Variants in CEP72 observed in about 807,000 individuals in gnomAD.
CEP72 encodes the protein centrosomal protein of 72 kDa.
In CEP72, 78 loss-of-function variants were observed where a neutral mutation model predicts 65.7. That is an observed-to-expected ratio of 1.19 (90% CI 0.99 to 1.43). CEP72 has a LOEUF of 1.43. Ranked by LOEUF, CEP72 falls within the 40% of genes most tolerant of loss-of-function variation. The pLI is 0.00. For synonymous variants in CEP72, 358 were observed against 351.7 expected, an observed-to-expected ratio of 1.02 and a Z score of -0.20; for missense variants, 914 against 832.9, an observed-to-expected ratio of 1.10 and a Z score of -1.20.
In CEP72 at chr5:640,619, G is replaced by T; in HGVS notation, c.1539+15G>T. ...ACAAGGAGCTGGTGAGCCCGCCCTG[G>T]CGCTGTGTCTGTGTCCATGTGACTG... On this transcript the variant is annotated intron_variant, in intron 9 of 11. Transcript: ENST00000264935. The T allele has an allele frequency of 6.2e-7, 1 of 1,602,496 alleles. No individual in the cohort carries two copies. Among genetic ancestry groups the T allele is most frequent in the Non-Finnish European group, 8.5e-7 (1 of 1,175,978 alleles).
In CEP72 at chr5:624,144, T is replaced by A. The variant is rs1043582401; in HGVS notation, c.404-327T>A. ...CAGGCTCCCTCCGTGGAGGCTTCTC[T>A]GGGTTACCTGAGTGTGACTTGAGAA... On this transcript the variant is annotated intron_variant, in intron 3 of 11. Coordinates refer to ENST00000264935, the MANE Select transcript of CEP72 (RefSeq NM_018140.4). The surrounding 1 kb of genome is among the most constrained non-coding windows in gnomAD (Gnocchi z 4.7). 1.3e-5 allele frequency among the ~76,000 whole-genome samples: 2 copies of A among 152,204 alleles called. No individual in the cohort carries two copies. Among genetic ancestry groups the A allele is most frequent in the African/African-American group, 4.8e-5 (2 of 41,450 alleles).
rs981259509 is a variant in CEP72, at chr5:645,519, C to T, written c.1666+1094C>T. Among the ~76,000 whole-genome samples, 7 of 151,876 alleles carry T rather than the reference C, an allele frequency of 4.6e-5. No homozygotes were observed. Among genetic ancestry groups the T allele is most frequent in the East Asian group, 3.9e-4 (2 of 5,182 alleles). ...GAACTGTGTGTGTGGTTTGCTCTCCCGGCTCTGTGGGCTTTCTCTGGGTGC... is the reference window on the plus strand; with the variant it reads ...GAACTGTGTGTGTGGTTTGCTCTCCTGGCTCTGTGGGCTTTCTCTGGGTGC... On this transcript the variant is annotated intron_variant, in intron 10 of 11. Transcript: ENST00000264935. This position sits in a 1 kb window ranked among gnomAD's most constrained non-coding sequence, Gnocchi z 4.0.
In CEP72 at chr5:612,461, C is replaced by A. The variant is rs749936819; in HGVS notation, c.82+18C>A. 1 of 797,946 alleles carries A rather than the reference C, an allele frequency of 1.3e-6. No homozygotes were observed. Among genetic ancestry groups the A allele is most frequent in the South Asian group, 1.9e-5 (1 of 52,162 alleles). The allele number at this position is 797,946 out of a possible 1,614,324, so 49.4% of individuals were successfully genotyped here. On this transcript the variant is annotated intron_variant, in intron 1 of 11. Transcript: ENST00000264935. ...CGACCTGGGTGCGCCGGAGGGCGGG[C>A]GGGGGTGCAAGCGTGAGGTGGCGGG... is the stretch of plus-strand genomic sequence containing the variant.
In CEP72 at chr5:647,649, C is replaced by T. The variant is rs147802967; in HGVS notation, c.1667-156C>T. ...AGGGAGGGGCCGTGGCATTCATGCT[C>T]GCCCTGTCTTTGAGTCTCATTAATA... On this transcript the variant is annotated intron_variant, in intron 10 of 11. Transcript: ENST00000264935. Among the ~76,000 whole-genome samples, 274 of 152,336 alleles carry T rather than the reference C, an allele frequency of 1.8e-3. 2 individuals are homozygous for T. Among genetic ancestry groups the T allele is most frequent in the African/African-American group, 6.1e-3 (255 of 41,576 alleles).
At chr5:629,437 G>A (rs1223230302) in intron 4 of CEP72, among the ~76,000 whole-genome samples, 1 of 148,404 alleles carries the variant, frequency 6.7e-6, no homozygotes, top group African/African-American at 2.5e-5. Context: ...GTCCTGGTGG[G>A]ATTCTGTCCA....
chr5:637,414 G>A, intron 6 of CEP72, 103 bp from the exon 7 acceptor site: 3 of 947,850 alleles, frequency 3.2e-6, no homozygotes, highest in Admixed American at 2.1e-5. Flanking sequence ...GTGTCCATGT[G>A]TGTATATACA....
At chr5:634,457 C>T (rs563120122) in intron 5 of CEP72, among the ~76,000 whole-genome samples, 4 of 152,330 alleles carry the variant, frequency 2.6e-5, no homozygotes, top group East Asian at 1.9e-4. Flanking sequence ...GAGAACTTTT[C>T]GTGGAAACAA....
At chr5:664,801 A>C in intron 2 of CEP72, 1 of 350,164 alleles carries the variant, frequency 2.9e-6, no homozygotes, top group African/African-American at 2.1e-5. Flanking sequence ...CGCCCCTTTG[A>C]CCTGCAAACC....
intron 11 of CEP72, among the ~76,000 whole-genome samples, chr5:650,499 TGTGACTGTGAGGTGTGACTGTGAGGC>T (rs1738948096): frequency 1.6e-4 from 9 of 55,330 alleles, no homozygotes; most frequent in Non-Finnish European, 2.8e-4. Flanking sequence ...GACTGTGAGG[TGTGACTGTGAGGTGTGACTGTGAGGC>T]GTGGACTGTG....
intron 9 of CEP72, chr5:643,440 C>T (rs1447595294): frequency 1.2e-5 from 12 of 985,332 alleles, no homozygotes; most frequent in Admixed American, 6.1e-5. Flanking sequence ...TCAGACCCAG[C>T]GATCAGCTTT....
chr5:658,977 C>T (rs1739474039), downstream of CEP72, among the ~76,000 whole-genome samples: 1 of 152,208 alleles, frequency 6.6e-6, no homozygotes, highest in African/African-American at 2.4e-5. Flanking sequence ...CTCAGCGAAG[C>T]TGATTGATCC....
In CEP72 at chr5:665,485, G is replaced by A. The variant is rs146505017; in HGVS notation, n.433+160G>A. ...GACCCTGGGGCAGCCTTGGGCCTGC[G>A]GGGTGCCACAACCCTAACAATTGCC... is the stretch of plus-strand genomic sequence containing the variant. On this transcript the variant is annotated intron_variant and non_coding_transcript_variant, in intron 3 of 4. Coordinates refer to the CEP72 transcript ENST00000514507. 6.6e-5 allele frequency among the ~76,000 whole-genome samples: 10 copies of A among 152,094 alleles called. No individual in the cohort carries two copies. The East Asian group carries it at 7.8e-4, about 12-fold the overall frequency.
At position 633,899 on chromosome 5, in the gene CEP72, A is replaced by G; in HGVS notation, c.643A>G (p.Thr215Ala). ...GGACCTCGGCAGGCCTCCCGGGAGC[A>G]CGAGCTTCAGCCAGAAGGGGCGTGA... ...EWDLGRPPGS[T>A]SFSQKGREAD... The change falls in exon 5 of 12, where the codon ACG (threonine) becomes GCG (alanine). Residue 215 changes from threonine to alanine, a missense_variant. Thr to Ala is a moderately conservative substitution (Grantham distance 58). Transcript: ENST00000264935. The G allele has an allele frequency of 3.1e-6, 5 of 1,613,238 alleles. No individual in the cohort carries two copies. The highest frequency in any genetic ancestry group is 4.2e-6 in the Non-Finnish European group (5 of 1,180,036).
At chr5:649,569 G>A (rs377162907) in intron 11 of CEP72, among the ~76,000 whole-genome samples, 181 of 72,492 alleles carry the variant, frequency 2.5e-3, no homozygotes, top group Middle Eastern at 0.013. Flanking sequence ...ACTGTGAGGC[G>A]TGGACTGTGA....
At chr5:666,710 C>T (rs181760131) in intron 4 of CEP72, among the ~76,000 whole-genome samples, 6 of 152,348 alleles carry the variant, frequency 3.9e-5, no homozygotes, top group African/African-American at 9.6e-5. Context: ...CCATGAGAAG[C>T]TTCTGGTCAC....
rs76289485 is a variant in CEP72 at position 628,850 on chromosome 5, G to A, written c.512+4271G>A. Among the ~76,000 whole-genome samples, 9 of 89,302 alleles carry A rather than the reference G, an allele frequency of 1.0e-4. No homozygotes were observed. The East Asian group carries it at 4.8e-3, about 48-fold the overall frequency. 58.6% of individuals were successfully genotyped at this position (89,302 alleles called of 152,430 possible). A position where few individuals can be genotyped will look rare whatever the true frequency, so the allele number is the denominator to read the frequency against. On this transcript the variant is annotated intron_variant, in intron 4 of 11. Coordinates refer to ENST00000264935, the MANE Select transcript of CEP72 (RefSeq NM_018140.4). Reference sequence around the variant, plus strand: ...CCAGGGAGTGGCCCCAGGACCCAGCGCCCTTCTTTGTGCAGCGTTCTGGAG... The same window carrying A: ...CCAGGGAGTGGCCCCAGGACCCAGCACCCTTCTTTGTGCAGCGTTCTGGAG...
intron 1 of CEP72, among the ~76,000 whole-genome samples, chr5:618,564 G>T (rs1324095969): frequency 6.6e-6 from 1 of 152,210 alleles, no homozygotes; most frequent in Non-Finnish European, 1.5e-5. Context: ...ATTTTGCAGT[G>T]GGGGAGAGAG....
chr5:656,287 A>G (rs961692094), downstream of CEP72, among the ~76,000 whole-genome samples: 2 of 151,598 alleles, frequency 1.3e-5, no homozygotes, highest in South Asian at 2.1e-4. Context: ...GCTGTTTTTG[A>G]CCCTTTGTGT....
In CEP72 at chr5:645,548, G is replaced by C. The variant is rs771273287; in HGVS notation, c.1666+1123G>C. On this transcript the variant is annotated intron_variant, in intron 10 of 11. Transcript: ENST00000264935. This position sits in a 1 kb window ranked among gnomAD's most constrained non-coding sequence, Gnocchi z 4.0. Reference sequence around the variant, plus strand: ...TCTGTGGGCTTTCTCTGGGTGCGCTGTTTTCCCCCATGCCCCAAAGCTGTG... The same window carrying C: ...TCTGTGGGCTTTCTCTGGGTGCGCTCTTTTCCCCCATGCCCCAAAGCTGTG... Among the ~76,000 whole-genome samples the C allele has an allele frequency of 1.3e-5, 2 of 151,880 alleles. No homozygotes were observed. The highest frequency in any genetic ancestry group is 2.9e-5 in the Non-Finnish European group (2 of 68,006).
Sources: allele counts gnomAD v4.1 joint callset (sites outside exome capture counted in the v4.1 genomes callset), GRCh38; gene constraint gnomAD v4.1.1; non-coding constraint Gnocchi (gnomAD v3.1); transcripts MANE v1.5; gene names NCBI Gene and HGNC (gene_info 2026-07-23, HGNC 2026-07-21).